Variants in PADI3 observed in about 807,000 individuals in gnomAD.
PADI3 encodes the protein protein-arginine deiminase type-3.
Under a neutral mutation model 71.5 loss-of-function variants are expected in PADI3, and 53 were observed. That is an observed-to-expected ratio of 0.74 (90% CI 0.59 to 0.93). The LOEUF (loss-of-function observed/expected upper bound fraction) is 0.93. Ranked by LOEUF, PADI3 falls within the 40% of genes least tolerant of loss-of-function variation. The probability of loss-of-function intolerance (pLI) is 0.00; values close to 1 mark genes in which losing one functional copy is unlikely to be tolerated. For missense variants in PADI3, 821 were observed against 868.0 expected, an observed-to-expected ratio of 0.95 and a Z score of 0.68; for synonymous variants, 361 against 347.5, an observed-to-expected ratio of 1.04 and a Z score of -0.43.
intron 7 of PADI3, 83 bp downstream of exon 7, chr1:17,270,494 A>G: frequency 7.6e-7 from 1 of 1,316,706 alleles, no homozygotes; most frequent in Admixed American, 2.5e-5. Flanking sequence ...ACAAAAAAAA[A>G]AAAAATAGCG....
At chr1:17,274,263 T>C (rs1162097897) in intron 10 of PADI3, among the ~76,000 whole-genome samples, 2 of 152,152 alleles carry the variant, frequency 1.3e-5, no homozygotes, top group African/African-American at 4.8e-5. Context: ...GTTCCCACAA[T>C]TGGCCACTTG....
At chr1:17,266,516 T>C (rs1281282447) in intron 4 of PADI3, among the ~76,000 whole-genome samples, 8 of 152,186 alleles carry the variant, frequency 5.3e-5, no homozygotes, top group Non-Finnish European at 1.2e-4. Flanking sequence ...CAGATAGCCA[T>C]GAAAGACAGC....
intron 1 of PADI3, among the ~76,000 whole-genome samples, chr1:17,253,746 C>T (rs1467611212): frequency 6.6e-6 from 1 of 152,202 alleles, no homozygotes; most frequent in Non-Finnish European, 1.5e-5. Flanking sequence ...AGACAAACAA[C>T]TCATGTCACC....
rs548469169 is a variant in PADI3 at position 17,271,493 on chromosome 1, TC to T, written c.1047+319del. ...GTGGTTCTCATCAAGAGGCGATGTG[TC>T]CCCAGGAGACGTTTTGCAGTATCTG... is the stretch of plus-strand genomic sequence containing the variant. On this transcript the variant is annotated intron_variant, in intron 9 of 15. Transcript: ENST00000375460. Among the ~76,000 whole-genome samples the T allele has an allele frequency of 1.4e-3, 220 of 152,176 alleles. 2 individuals are homozygous for T. The highest frequency in any genetic ancestry group is 5.0e-3 in the African/African-American group (209 of 41,524).
Position 17,280,722 on chromosome 1 carries a change from G to A in PADI3, c.1687G>A (p.Glu563Lys). ...EVLKRELGLA[E>K]CDIIDIPQLF... is the part of the protein sequence containing the mutation. ...GCTGAAGCGGGAGCTGGGCCTGGCA[G>A]AGTGTGACATCATTGACATCCCACA... The change falls in exon 15 of 16, where the codon GAG becomes AAG. Residue 563 changes from glutamate to lysine, a missense_variant. Physicochemically the swap from Glu to Lys is moderately conservative, Grantham distance 56. Coordinates refer to ENST00000375460, the MANE Select transcript of PADI3 (RefSeq NM_016233.2). 1.2e-6 allele frequency: 2 copies of A among 1,614,200 alleles called. No individual in the cohort carries two copies. Among genetic ancestry groups the A allele is most frequent in the Non-Finnish European group, 8.5e-7 (1 of 1,180,032 alleles).
intron 1 of PADI3, among the ~76,000 whole-genome samples, chr1:17,251,368 T>C (rs2072964095): frequency 6.6e-6 from 1 of 152,114 alleles, no homozygotes; most frequent in South Asian, 2.1e-4. Flanking sequence ...GCAGTAGGTG[T>C]TGTGGCTCAG....
intron 6 of PADI3, 145 bp from the exon 7 acceptor site, chr1:17,270,088 T>C: frequency 1.1e-6 from 1 of 913,614 alleles, no homozygotes; most frequent in Non-Finnish European, 1.7e-6. Context: ...TTACCTGTCC[T>C]CTCCTTTGCC....
At chr1:17,270,513 T>C in intron 7 of PADI3, 102 bp downstream of exon 7, 2 of 1,077,564 alleles carry the variant, frequency 1.9e-6, no homozygotes, top group South Asian at 3.2e-5. Flanking sequence ...CGAGGTATAG[T>C]GGTGTACACC....
intron 1 of PADI3, among the ~76,000 whole-genome samples, chr1:17,256,786 C>A (rs2073033659): frequency 6.6e-6 from 1 of 152,098 alleles, no homozygotes; most frequent in South Asian, 2.1e-4. Flanking sequence ...CCTGTAATCC[C>A]AGCTGGGAGG....
At chr1:17,272,519 C>T (rs1027603426) in intron 9 of PADI3, among the ~76,000 whole-genome samples, 2 of 151,584 alleles carry the variant, frequency 1.3e-5, no homozygotes, top group Non-Finnish European at 2.9e-5. Context: ...ATTTATTTTT[C>T]TTTTTGGAGA....
chr1:17,249,606 G>A (rs1426567655), intron 1 of PADI3, among the ~76,000 whole-genome samples: 3 of 152,314 alleles, frequency 2.0e-5, no homozygotes, highest in Admixed American at 6.5e-5. Context: ...GCCCCATCCT[G>A]AGCCTATGAG....
At chr1:17,270,482 CT>C in intron 7 of PADI3, 71 bp downstream of exon 7, 2 of 1,241,888 alleles carry the variant, frequency 1.6e-6, no homozygotes, top group Non-Finnish European at 2.2e-6. Context: ...AACCCCATCT[CT>C]ACAAAAAAAA....
intron 1 of PADI3, among the ~76,000 whole-genome samples, chr1:17,256,836 C>T: frequency 6.6e-6 from 1 of 152,056 alleles, no homozygotes; most frequent in East Asian, 1.9e-4. Context: ...AGTTCAAGAC[C>T]AGTCTGGCCA....
chr1:17,252,397 CTTCT>C (rs1557495592), intron 1 of PADI3, among the ~76,000 whole-genome samples: 1 of 62,244 alleles, frequency 1.6e-5, no homozygotes, highest in South Asian at 9.1e-4. Flanking sequence ...TTCTTTTCTT[CTTCT>C]TTTTTTTTTT....
rs1333577202 is a variant in PADI3, at chr1:17,274,628, T to G, written c.1156-7T>G. 2 of 1,607,812 alleles carry G rather than the reference T, an allele frequency of 1.2e-6. No individual in the cohort carries two copies. The highest frequency in any genetic ancestry group is 2.7e-5 in the African/African-American group (2 of 74,758). ...CCACCCCCGCCTGACTTGGTTTCCC[T>G]CTCCAGGGTCCAGATTTTGGTTACG... On this transcript the variant is annotated splice_region_variant and splice_polypyrimidine_tract_variant and intron_variant, in intron 10 of 15. Coordinates refer to ENST00000375460, the MANE Select transcript of PADI3 (RefSeq NM_016233.2).
intron 1 of PADI3, among the ~76,000 whole-genome samples, chr1:17,253,685 C>T (rs528774842): frequency 3.8e-4 from 58 of 152,286 alleles, no homozygotes; most frequent in African/African-American, 1.2e-3. Context: ...TTTCAGGATC[C>T]GCTGGGGATG....
chr1:17,270,209 GC>G, intron 6 of PADI3, 23 bp from the exon 7 acceptor site: 1 of 1,594,974 alleles, frequency 6.3e-7, no homozygotes, highest in Non-Finnish European at 8.6e-7. Flanking sequence ...GGGAGTCACA[GC>G]CACCCCGTCC....
chr1:17,278,536 C>G (rs1186048251), intron 13 of PADI3, among the ~76,000 whole-genome samples: 1 of 151,922 alleles, frequency 6.6e-6, no homozygotes, highest in African/African-American at 2.4e-5. Context: ...CCAGGGCCCA[C>G]TTTTTTTTGT....
intron 1 of PADI3, 63 bp downstream of exon 1, chr1:17,249,292 C>G: frequency 2.9e-6 from 4 of 1,374,498 alleles, no homozygotes; most frequent in Non-Finnish European, 4.2e-6. Flanking sequence ...ACCTTCCTCC[C>G]TGCAGGCTGG....
Sources: gnomAD v4.1 joint callset for allele counts (sites outside exome capture counted in the v4.1 genomes callset) on GRCh38, gnomAD v4.1.1 for gene constraint, MANE v1.5 for transcripts, NCBI Gene and HGNC (gene_info 2026-07-23, HGNC 2026-07-21) for gene names.